The following GOLGA8B variants were observed in gnomAD, a reference collection of about 807,000 sequenced individuals.
The protein encoded by GOLGA8B is golgin A8 family member B.
In GOLGA8B, 1 loss-of-function variant was observed where a neutral mutation model predicts 15.6. The ratio of observed to expected loss-of-function variants is 0.06; its 90% CI spans 0.02 to 0.30. GOLGA8B has a LOEUF of 0.30. GOLGA8B is among the 10% of genes least tolerant of loss of function. GOLGA8B has a pLI of 1.00. For missense variants in GOLGA8B, 17 were observed against 201.3 expected, an observed-to-expected ratio of 0.08 and a Z score of 5.54; for synonymous variants, 9 against 80.3, an observed-to-expected ratio of 0.11 and a Z score of 4.75.
chr15:34,581,262 T>G (rs1331567517), intron 1 of GOLGA8B, among the ~76,000 whole-genome samples: 4 of 152,154 alleles, frequency 2.6e-5, no homozygotes, highest in Admixed American at 6.5e-5. Flanking sequence ...GGGGGCCTCT[T>G]CAGCCAGGTT....
intron 1 of GOLGA8B, among the ~76,000 whole-genome samples, chr15:34,564,353 C>CTT (rs1432441715): frequency 2.7e-3 from 299 of 112,644 alleles, no homozygotes; most frequent in African/African-American, 3.5e-3. Context: ...ACTGTAGATT[C>CTT]TTAAAAAAAA....
At chr15:34,569,163 G>A (rs1342488539) in intron 1 of GOLGA8B, among the ~76,000 whole-genome samples, 2 of 146,704 alleles carry the variant, frequency 1.4e-5, no homozygotes, top group Non-Finnish European at 3.0e-5. Context: ...CGCCTCCACC[G>A]GCTCTGAAGA....
intron 1 of GOLGA8B, chr15:34,556,970 G>A: frequency 1.7e-6 from 1 of 590,908 alleles, no homozygotes; most frequent in Non-Finnish European, 3.0e-6. Context: ...GTCCAGTTGG[G>A]AGACATGTTG....
intron 1 of GOLGA8B, among the ~76,000 whole-genome samples, chr15:34,560,932 G>T (rs1171170704): frequency 7.4e-6 from 1 of 135,910 alleles, no homozygotes; most frequent in Non-Finnish European, 1.6e-5. Context: ...GGTTGGTGAA[G>T]ATTTTCTCAT....
chr15:34,567,562 C>T (rs1289912768), intron 1 of GOLGA8B, among the ~76,000 whole-genome samples: 2 of 151,630 alleles, frequency 1.3e-5, no homozygotes, highest in African/African-American at 4.9e-5. Flanking sequence ...TCCACTCACT[C>T]GAAATAAAAC....
chr15:34,564,749 C>G lies in GOLGA8B; in HGVS notation c.-1122-10793G>C, dbSNP rs527404575. Among the ~76,000 whole-genome samples the G allele has an allele frequency of 3.7e-4, 53 of 143,220 alleles. 5 individuals are homozygous for G. The highest frequency in any genetic ancestry group is 1.3e-3 in the African/African-American group (52 of 40,276). 94.0% of individuals were successfully genotyped at this position (143,220 alleles called of 152,430 possible). ...AGTTCCAACGAAAAGGGTGTGAGGT[C>G]TTTGGGGCCAGCTTTGAGCTGGCAA... On this transcript the variant is annotated intron_variant, in intron 1 of 23. Transcript: ENST00000683415.
intron 1 of GOLGA8B, among the ~76,000 whole-genome samples, chr15:34,576,601 G>C (rs28704997): frequency 0.17 from 25,354 of 152,112 alleles, 2,599 homozygotes; most frequent in Admixed American, 0.29. Context: ...ATGCACAAAA[G>C]AAAGGCACTT....
chr15:34,579,179 A>G (rs1207045089), intron 1 of GOLGA8B, among the ~76,000 whole-genome samples: 1 of 151,944 alleles, frequency 6.6e-6, no homozygotes, highest in Non-Finnish European at 1.5e-5. Flanking sequence ...GCTGGAACTG[A>G]GCTCCTGTTA....
At chr15:34,573,366 G>A (rs1888974575) in intron 1 of GOLGA8B, among the ~76,000 whole-genome samples, 2 of 151,788 alleles carry the variant, frequency 1.3e-5, no homozygotes, top group Admixed American at 6.6e-5. Context: ...GTGAAATCTC[G>A]TCTGTACTAA....
At chr15:34,575,929 G>C (rs146555595) in intron 1 of GOLGA8B, among the ~76,000 whole-genome samples, 19 of 152,268 alleles carry the variant, frequency 1.2e-4, no homozygotes, top group Middle Eastern at 3.4e-3. Context: ...GAGTGCATGG[G>C]TGGATAGATG....
chr15:34,566,401 G>A (rs1245770471), intron 1 of GOLGA8B: 11 of 144,322 alleles, frequency 7.6e-5, no homozygotes, highest in Admixed American at 2.7e-4. Flanking sequence ...GATGTCAGAC[G>A]CCAGGAGAGC....
intron 1 of GOLGA8B, 71 bp downstream of exon 1, chr15:34,583,445 C>T (rs1033585794): frequency 6.6e-6 from 1 of 151,270 alleles, no homozygotes; most frequent in Non-Finnish European, 1.5e-5. Flanking sequence ...GCGTCGGGGT[C>T]CCCGCGGCGC....
rs1333983347 is a variant in GOLGA8B at position 34,557,676 on chromosome 15, G to C, written c.-1122-3720C>G. ...TGTGTGTGTGTGTGTGTGTGTGTGT[G>C]TGTGTGTCTGTGTACTGAGAGCTTG... On this transcript the variant is annotated intron_variant, in intron 1 of 23. Coordinates refer to ENST00000683415, the MANE Select transcript of GOLGA8B (RefSeq NM_001023567.5). Among the ~76,000 whole-genome samples the C allele has an allele frequency of 5.9e-3, 637 of 107,856 alleles. 18 individuals carry two copies. Among genetic ancestry groups the C allele is most frequent in the African/African-American group, 0.02 (591 of 29,866 alleles). 70.8% of individuals were successfully genotyped at this position (107,856 alleles called of 152,430 possible). A position where few individuals can be genotyped will look rare whatever the true frequency, so the allele number is the denominator to read the frequency against.
At chr15:34,567,769 G>T (rs3866558) in intron 1 of GOLGA8B, among the ~76,000 whole-genome samples, 11 of 149,530 alleles carry the variant, frequency 7.4e-5, no homozygotes, top group African/African-American at 2.8e-4. Flanking sequence ...ACAGATTACT[G>T]GTTTTCAAGC....
chr15:34,567,953 A>G (rs1005086600), intron 1 of GOLGA8B, among the ~76,000 whole-genome samples: 3 of 151,402 alleles, frequency 2.0e-5, no homozygotes, highest in Admixed American at 1.3e-4. Context: ...CCCATCCCAA[A>G]CTGGAAGGAA....
In GOLGA8B at chr15:34,527,475, C is replaced by A; in HGVS notation, c.*157G>T. The A allele has an allele frequency of 8.3e-6, 6 of 720,332 alleles. No homozygotes were observed. The South Asian group carries it at 1.3e-4, about 15-fold the overall frequency. The allele number at this position is 720,332 out of a possible 1,614,324, so 44.6% of individuals were successfully genotyped here. On this transcript the variant is annotated 3_prime_UTR_variant, in exon 24 of 24. Transcript: ENST00000683415. ...GGCACAGAGACCCACTCTCTTTTAACTTTTTACAAATAAACTTAAACTATA... is the reference window on the plus strand; with the variant it reads ...GGCACAGAGACCCACTCTCTTTTAAATTTTTACAAATAAACTTAAACTATA...
At chr15:34,583,317 G>A (rs887036341) in intron 1 of GOLGA8B, among the ~76,000 whole-genome samples, 199 bp downstream of exon 1, 6 of 152,216 alleles carry the variant, frequency 3.9e-5, no homozygotes, top group African/African-American at 1.4e-4. Context: ...CGGTCCGAGA[G>A]GCGTAGGCCA....
intron 1 of GOLGA8B, among the ~76,000 whole-genome samples, chr15:34,580,020 G>A (rs770385689): frequency 1.8e-4 from 28 of 152,314 alleles, no homozygotes; most frequent in Middle Eastern, 3.4e-3. Context: ...TCAGGGAGCC[G>A]GCAATAGGTG....
intron 4 of GOLGA8B, among the ~76,000 whole-genome samples, chr15:34,548,377 A>C (rs1294069517): frequency 1.3e-5 from 2 of 151,240 alleles, no homozygotes; most frequent in African/African-American, 2.4e-5. Flanking sequence ...CTGAAAGCTA[A>C]AATAGAGCAC....
Sources: gnomAD v4.1 joint callset for allele counts (sites outside exome capture counted in the v4.1 genomes callset) on GRCh38, gnomAD v4.1.1 for gene constraint, MANE v1.5 for transcripts, NCBI Gene and HGNC (gene_info 2026-07-23, HGNC 2026-07-21) for gene names.